Variants in TIMM50 observed in about 807,000 individuals in gnomAD.
The protein encoded by TIMM50 is mitochondrial import inner membrane translocase subunit TIM50.
TIMM50 carries 34 observed loss-of-function variants against 49.6 expected under a neutral mutation model. That is an observed-to-expected ratio of 0.69 (90% confidence interval 0.52 to 0.91). The LOEUF is 0.91. Among genes scored for constraint, TIMM50 ranks in the 40% least tolerant of loss-of-function variants. The probability of loss-of-function intolerance (pLI) is 0.00; values close to 1 mark genes in which losing one functional copy is unlikely to be tolerated. For synonymous variants in TIMM50, 199 were observed against 198.4 expected (o/e 1.00, Z -0.03); for missense variants, 458 against 477.8 (o/e 0.96, Z 0.39).
At chr19:39,485,460 C>A in intron 4 of TIMM50, 84 bp from the exon 5 acceptor site, 1 of 1,542,226 alleles carries the variant, frequency 6.5e-7, no homozygotes, top group Non-Finnish European at 9.0e-7. Flanking sequence ...CTGTTTGTAT[C>A]TGGTAGATAA....
chr19:39,487,749 G>A (rs574545166), intron 8 of TIMM50, among the ~76,000 whole-genome samples: 97 of 152,044 alleles, frequency 6.4e-4, no homozygotes, highest in Non-Finnish European at 1.1e-3. Flanking sequence ...GTGAGCCACC[G>A]CACCCGGCCA....
chr19:39,481,963 CA>C lies in TIMM50; in HGVS notation c.195del (p.Val66LeufsTer15). On this transcript the variant is annotated frameshift_variant, in exon 2 of 11. Coordinates refer to ENST00000607714, the MANE Select transcript of TIMM50 (RefSeq NM_001001563.5). LOFTEE classifies it high-confidence loss of function. ...CGGGCTCAGAGGGTCCCAGCTATGC[CA>C]AAAAAGTTGCGCTCTGGCTTGCTGG... ...QPGSEGPSYAKKVALWLAGLL... is the reference protein window; with the variant it reads ...QPGSEGPSYAXKVALWLAGLL... 1 of 1,614,136 alleles carries C rather than the reference CA, an allele frequency of 6.2e-7. No homozygotes were observed. The highest frequency in any genetic ancestry group is 8.5e-7 in the Non-Finnish European group (1 of 1,180,012).
Position 39,488,444 on chromosome 19 carries a change from T to C in TIMM50, c.854-95T>C, listed in dbSNP as rs139230570. 2,264 of 1,209,336 alleles carry C rather than the reference T, an allele frequency of 1.9e-3. 28 individuals carry two copies. In the African/African-American group the frequency reaches 0.028, roughly 15 times the overall value. The allele number at this position is 1,209,336 out of a possible 1,614,324, so 74.9% of individuals were successfully genotyped here. On this transcript the variant is annotated intron_variant, in intron 9 of 10. Coordinates refer to ENST00000607714, the MANE Select transcript of TIMM50 (RefSeq NM_001001563.5). ...CAGAAGCATTCCAGGTAGCACTGACTGCCCCCGTGCCCCAGTGCGGGACGT... is the reference window on the plus strand; with the variant it reads ...CAGAAGCATTCCAGGTAGCACTGACCGCCCCCGTGCCCCAGTGCGGGACGT...
At chr19:39,485,953 C>T (rs1215902057) in intron 6 of TIMM50, 146 bp downstream of exon 6, 3 of 1,313,494 alleles carry the variant, frequency 2.3e-6, no homozygotes, top group East Asian at 2.4e-5. Flanking sequence ...TGGGAGAAGG[C>T]AGTCATGCTA....
At chr19:39,486,003 G>C (rs991026767) in intron 6 of TIMM50, 184 bp from the exon 7 acceptor site, 2 of 1,092,310 alleles carry the variant, frequency 1.8e-6, no homozygotes, top group Non-Finnish European at 2.7e-6. Context: ...GCCCAGGCAC[G>C]CTATAAGTGC....
In TIMM50 at chr19:39,483,154, A is replaced by G. The variant is rs112098673; in HGVS notation, c.311A>G (p.Asn104Ser). 3.2e-5 allele frequency: 51 copies of G among 1,613,978 alleles called. 1 individual carries two copies. The South Asian group carries it at 4.3e-4, about 14-fold the overall frequency. Residue 104 changes from asparagine (N) to serine (S), a missense_variant and splice_region_variant, in exon 4 of 11, where the codon AAT becomes AGT. Physicochemically the swap from Asn to Ser is conservative, Grantham distance 46 (BLOSUM62 1). Transcript: ENST00000607714. ...NGAKIPDEFD[N>S]DPILVQQLRR... ...TCCCAGATTCCTGATGAGTTCGACA[A>G]TGGTGAGTAAACAAGCACAGATTCT... is the stretch of plus-strand genomic sequence containing the variant.
chr19:39,485,967 C>G, intron 6 of TIMM50, 160 bp downstream of exon 6: 1 of 1,238,554 alleles, frequency 8.1e-7, no homozygotes, highest in Non-Finnish European at 1.1e-6. Flanking sequence ...CATGCTAACA[C>G]CCACTCTGTA....
chr19:39,493,467 A>G lies in TIMM50; in HGVS notation c.*3647A>G, dbSNP rs1030335988. 2 of 149,472 alleles carry G rather than the reference A, an allele frequency of 1.3e-5. No homozygotes were observed. The highest frequency in any genetic ancestry group is 2.9e-5 in the Non-Finnish European group (2 of 67,860). The allele number at this position is 149,472 out of a possible 1,614,324, so 9.3% of individuals were successfully genotyped here. ...CTGTGCCTTGCACATATACACCCAG[A>G]TGGCCTGAAGTAACTGAAGAATCAC... On this transcript the variant is annotated 3_prime_UTR_variant, in exon 11 of 11. Coordinates refer to ENST00000607714, the MANE Select transcript of TIMM50 (RefSeq NM_001001563.5).
Position 39,490,024 on chromosome 19 carries a change from G to T in TIMM50, c.*204G>T, listed in dbSNP as rs1009644057. 1.7e-6 allele frequency: 1 copy of T among 585,200 alleles called. No homozygotes were observed. Among genetic ancestry groups the T allele is most frequent in the African/African-American group, 1.9e-5 (1 of 53,698 alleles). 36.3% of individuals were successfully genotyped at this position (585,200 alleles called of 1,614,324 possible). A position where few individuals can be genotyped will look rare whatever the true frequency, so the allele number is the denominator to read the frequency against. On this transcript the variant is annotated 3_prime_UTR_variant, in exon 11 of 11. Coordinates refer to ENST00000607714, the MANE Select transcript of TIMM50 (RefSeq NM_001001563.5). ...TGGCTGATCGGCTGCCAAGCACAGT[G>T]GGGGTGCTTTGTTGGATCAGAGCAG...
At position 39,489,673 on chromosome 19, in the gene TIMM50, G is replaced by A. The variant is rs569594699; in HGVS notation, c.961-46G>A. On this transcript the variant is annotated intron_variant, in intron 10 of 10. Transcript: ENST00000607714. Reference sequence around the variant, plus strand: ...ACCTGGGCATCTGGGAGGAGGCTCTGTCCACCTTGCGCTGACCCTCTCCTC... The same window carrying A: ...ACCTGGGCATCTGGGAGGAGGCTCTATCCACCTTGCGCTGACCCTCTCCTC... The A allele has an allele frequency of 7.8e-6, 12 of 1,541,170 alleles. No individual in the cohort carries two copies. The South Asian group carries it at 1.2e-4, about 15-fold the overall frequency.
chr19:39,485,396 C>A, intron 4 of TIMM50, 148 bp from the exon 5 acceptor site: 1 of 847,554 alleles, frequency 1.2e-6, no homozygotes, highest in South Asian at 1.6e-5. Flanking sequence ...ATGTCATTGC[C>A]TTCTATCTTT....
At chr19:39,482,199 C>A (rs2079477218) in intron 2 of TIMM50, among the ~76,000 whole-genome samples, 166 bp downstream of exon 2, 1 of 152,178 alleles carries the variant, frequency 6.6e-6, no homozygotes, top group Admixed American at 6.5e-5. Flanking sequence ...GGGAAGTCTT[C>A]TTTCTTCTCC....
At chr19:39,485,449 C>CCT in intron 4 of TIMM50, 95 bp from the exon 5 acceptor site, 5 of 1,471,586 alleles carry the variant, frequency 3.4e-6, no homozygotes, top group Non-Finnish European at 4.8e-6. Flanking sequence ...GATATGCAGA[C>CCT]CTGTTTGTAT....
At chr19:39,485,624 A>G (rs374165426) in intron 5 of TIMM50, 22 bp downstream of exon 5, 1 of 1,614,058 alleles carries the variant, frequency 6.2e-7, no homozygotes, top group Non-Finnish European at 8.5e-7. Context: ...CCCTGGGCTC[A>G]GTCCCCATGT....
intron 4 of TIMM50, 188 bp from the exon 5 acceptor site, chr19:39,485,356 G>A: frequency 1.6e-6 from 1 of 643,004 alleles, no homozygotes; most frequent in East Asian, 2.7e-5. Context: ...AATAGGGCAA[G>A]TAAATAAATC....
rs35135520 is a variant in TIMM50 at position 39,480,879 on chromosome 19, C to G, written c.26C>G (p.Ser9Trp). The change falls in exon 1 of 11, where the codon TCG (serine) becomes TGG (tryptophan). Residue 9 changes from serine (S) to tryptophan (W), a missense_variant. Transcript: ENST00000607714. MAASAAVF[S>W]RLRSGLRLGS... ...ATGGCGGCCTCGGCAGCGGTGTTCT[C>G]GCGCTTGCGAAGCGGGCTCCGGCTC... is the stretch of plus-strand genomic sequence containing the variant. 3,773 of 1,599,632 alleles carry G rather than the reference C, an allele frequency of 2.4e-3. 79 individuals carry two copies. In the African/African-American group the frequency reaches 0.043, roughly 18 times the overall value.
Position 39,490,553 on chromosome 19 carries a change from T to A in TIMM50, c.*733T>A, listed in dbSNP as rs2079538385. 1 of 151,962 alleles carries A rather than the reference T, an allele frequency of 6.6e-6. No homozygotes were observed. Among genetic ancestry groups the A allele is most frequent in the African/African-American group, 2.4e-5 (1 of 41,350 alleles). The allele number at this position is 151,962 out of a possible 1,614,324, so 9.4% of individuals were successfully genotyped here. ...ACAGGTGCGTGCTACCATACCCAGC[T>A]AATTTAAACAAATTTTTTTTTTGTA... On this transcript the variant is annotated 3_prime_UTR_variant, in exon 11 of 11. Coordinates refer to ENST00000607714, the MANE Select transcript of TIMM50 (RefSeq NM_001001563.5).
rs570482113 is a variant in TIMM50, at chr19:39,489,725, C to G, written c.967C>G (p.Gln323Glu). The G allele has an allele frequency of 6.2e-7, 1 of 1,606,132 alleles. No homozygotes were observed. Among genetic ancestry groups the G allele is most frequent in the African/African-American group, 1.3e-5 (1 of 74,948 alleles). Residue 323 changes from glutamine to glutamate, a missense_variant, in exon 11 of 11, where the codon CAG becomes GAG. Physicochemically the swap from Gln to Glu is conservative, Grantham distance 29. Transcript: ENST00000607714. ...QRQSRLEQEE[Q>E]QRLAELSKSN... ...AACTGTCCCCCTACCCCAGGAGGAG[C>G]AGCAGCGCCTGGCCGAGCTCTCCAA... is the stretch of plus-strand genomic sequence containing the variant.
intron 3 of TIMM50, 40 bp from the exon 4 acceptor site, chr19:39,483,095 C>T: frequency 1.2e-6 from 2 of 1,614,072 alleles, no homozygotes; most frequent in Non-Finnish European, 1.7e-6. Context: ...GGTTCTGCCT[C>T]TGACATCCTA....
Sources: allele counts gnomAD v4.1 joint callset (sites outside exome capture counted in the v4.1 genomes callset), GRCh38; gene constraint gnomAD v4.1.1; transcripts MANE v1.5; gene names NCBI Gene and HGNC (gene_info 2026-07-23, HGNC 2026-07-21).